The following FBXW4 variants were observed in gnomAD, a reference collection of about 807,000 sequenced individuals.
FBXW4 encodes the protein F-box and WD repeat domain containing 4.
FBXW4 carries 40 observed loss-of-function variants against 61.8 expected under a neutral mutation model. The ratio of observed to expected loss-of-function variants is 0.65; its 90% CI spans 0.50 to 0.84. The LOEUF (loss-of-function observed/expected upper bound fraction) is 0.84, where lower values mean the gene tolerates loss of function less well. Among genes scored for constraint, FBXW4 ranks in the 40% least tolerant of loss-of-function variants. The pLI, the probability that FBXW4 is intolerant of heterozygous loss-of-function variation, is 0.00. For missense variants in FBXW4, 672 were observed against 753.8 expected (o/e 0.89, Z 1.27); for synonymous variants, 311 against 313.8 (o/e 0.99, Z 0.10).
intron 5 of FBXW4, among the ~76,000 whole-genome samples, chr10:101,638,265 C>T (rs1390817823): frequency 2.6e-5 from 4 of 152,116 alleles, no homozygotes; most frequent in Non-Finnish European, 2.9e-5. Flanking sequence ...AACTAGAATG[C>T]TGCAGTCAAA....
chr10:101,632,466 C>G (rs550598964), intron 5 of FBXW4, among the ~76,000 whole-genome samples: 112 of 152,274 alleles, frequency 7.4e-4, no homozygotes, highest in African/African-American at 2.5e-3. Context: ...ACGAAGGGTA[C>G]AAGGTCAGCC....
rs561165287 is a variant in FBXW4 at position 101,666,468 on chromosome 10, G to C, written c.1235+1418C>G. 2.0e-5 allele frequency among the ~76,000 whole-genome samples: 3 copies of C among 152,286 alleles called. No individual in the cohort carries two copies. In the South Asian group the frequency reaches 6.2e-4, roughly 32 times the overall value. ...TGTGGAAGGGAGTAGGAGGAGGGGT[G>C]CAGGCTCCATGGGGTGAGGAGAAAG... On this transcript the variant is annotated intron_variant, in intron 5 of 8. Transcript: ENST00000331272.
intron 1 of FBXW4, among the ~76,000 whole-genome samples, chr10:101,689,834 C>A (rs374619458): frequency 6.6e-6 from 1 of 152,218 alleles, no homozygotes; most frequent in African/African-American, 2.4e-5. Flanking sequence ...AAATAGATAC[C>A]CCAGGCCCCC....
chr10:101,689,504 C>A (rs1412747340), intron 1 of FBXW4, among the ~76,000 whole-genome samples: 1 of 152,160 alleles, frequency 6.6e-6, no homozygotes, highest in Admixed American at 6.5e-5. Context: ...TTTCCAAACG[C>A]CGAAGACAAT....
chr10:101,684,100 A>G (rs2064507416), intron 1 of FBXW4, among the ~76,000 whole-genome samples: 1 of 152,134 alleles, frequency 6.6e-6, no homozygotes, highest in Non-Finnish European at 1.5e-5. Flanking sequence ...AGTAGCTGGG[A>G]TTACAGGCAC....
chr10:101,634,712 A>G (rs372441911), intron 5 of FBXW4, among the ~76,000 whole-genome samples: 1 of 148,946 alleles, frequency 6.7e-6, no homozygotes, highest in African/African-American at 2.5e-5. Context: ...TTAGAAGCCT[A>G]CCTCCCAGCA....
intron 5 of FBXW4, among the ~76,000 whole-genome samples, chr10:101,666,703 G>A (rs191821761): frequency 2.6e-5 from 4 of 152,242 alleles, no homozygotes; most frequent in East Asian, 3.9e-4. Flanking sequence ...GAGGGATTCT[G>A]TCTTGGTTCC....
intron 5 of FBXW4, among the ~76,000 whole-genome samples, chr10:101,640,637 A>G (rs2064043442): frequency 6.7e-6 from 1 of 149,278 alleles, no homozygotes; most frequent in Non-Finnish European, 1.5e-5. Context: ...GATTACAGGC[A>G]TGTGCTACCA....
chr10:101,673,664 G>C lies in FBXW4; in HGVS notation c.831C>G (p.Pro277=). The change falls in exon 3 of 9, where the codon CCC becomes CCG. Residue 277 remains proline, a synonymous_variant. Transcript: ENST00000331272. ...ILLKWRCSQM[P]WMQLEDDSLY... is the part of the protein sequence containing the mutation. ...GAGAATCATCCTCTAGCTGCATCCA[G>C]GGCATCTGACTGAAATGATGGAAAA... The C allele has an allele frequency of 6.2e-7, 1 of 1,612,912 alleles. No individual in the cohort carries two copies. Among genetic ancestry groups the C allele is most frequent in the Non-Finnish European group, 8.5e-7 (1 of 1,178,990 alleles).
intron 6 of FBXW4, among the ~76,000 whole-genome samples, chr10:101,614,060 C>T (rs1244240931): frequency 6.6e-6 from 1 of 152,218 alleles, no homozygotes; most frequent in Non-Finnish European, 1.5e-5. Context: ...AAGATTCAGC[C>T]ACCCTGGGCA....
At chr10:101,620,120 A>G (rs2063856752) in intron 6 of FBXW4, among the ~76,000 whole-genome samples, 1 of 151,776 alleles carries the variant, frequency 6.6e-6, no homozygotes, top group South Asian at 2.1e-4. Context: ...GGCGCTCCTC[A>G]AGTTGCAGCA....
At chr10:101,641,815 A>C (rs1303068935) in intron 5 of FBXW4, among the ~76,000 whole-genome samples, 2 of 152,206 alleles carry the variant, frequency 1.3e-5, no homozygotes, top group African/African-American at 2.4e-5. Context: ...AAAATAATAT[A>C]TGAGATGTTA....
intron 5 of FBXW4, among the ~76,000 whole-genome samples, chr10:101,628,254 T>C (rs558917002): frequency 1.9e-4 from 29 of 152,300 alleles, no homozygotes; most frequent in Admixed American, 1.6e-3. Flanking sequence ...TCAAACGGCT[T>C]TTGCCCTCAG....
At chr10:101,678,028 G>T (rs1238752808) in intron 1 of FBXW4, among the ~76,000 whole-genome samples, 1 of 152,114 alleles carries the variant, frequency 6.6e-6, no homozygotes, top group Non-Finnish European at 1.5e-5. Context: ...GAACCTAGGT[G>T]GTGCATATAT....
intron 6 of FBXW4, among the ~76,000 whole-genome samples, chr10:101,614,927 A>G (rs1258559527): frequency 6.6e-6 from 1 of 152,148 alleles, no homozygotes; most frequent in Non-Finnish European, 1.5e-5. Context: ...CTATTTAACT[A>G]GAAAACTCTA....
In FBXW4 at chr10:101,694,615, T is replaced by TCCTCCTCCC; in HGVS notation, c.482_490dup (p.Gly161_Glu163dup). On this transcript the variant is annotated inframe_insertion, in exon 1 of 9. Coordinates refer to ENST00000331272, the MANE Select transcript of FBXW4 (RefSeq NM_022039.4). The surrounding 1 kb of genome is among the most constrained non-coding windows in gnomAD (Gnocchi z 6.0). ...CTCCCGAGCCGCCTCCTCCTCCTCCTCCTCCTCCCCGGCCGCCGCCGCCAT... is the reference window on the plus strand; with the variant it reads ...CTCCCGAGCCGCCTCCTCCTCCTCCTCCTCCTCCCCCTCCTCCCCGGCCGCCGCCGCCAT... 1 of 1,435,462 alleles carries TCCTCCTCCC rather than the reference T, an allele frequency of 7.0e-7. No individual in the cohort carries two copies. The allele number at this position is 1,435,462 out of a possible 1,614,324, so 88.9% of individuals were successfully genotyped here. A position where few individuals can be genotyped will look rare whatever the true frequency, so the allele number is the denominator to read the frequency against.
intron 4 of FBXW4, among the ~76,000 whole-genome samples, chr10:101,670,609 C>T (rs2064350029): frequency 6.6e-6 from 1 of 152,254 alleles, no homozygotes; most frequent in Non-Finnish European, 1.5e-5. Flanking sequence ...CATCTCTTCT[C>T]ATCCTAAGGA....
chr10:101,611,224 C>G lies in FBXW4; in HGVS notation c.*67G>C. ...CAGTGAGGAGGAGCTATCACTGCAC[C>G]CTCCAGGCAAGAGAAGTCCCTGAGT... On this transcript the variant is annotated 3_prime_UTR_variant, in exon 9 of 9. Coordinates refer to ENST00000331272, the MANE Select transcript of FBXW4 (RefSeq NM_022039.4). The surrounding 1 kb of genome is among the most constrained non-coding windows in gnomAD (Gnocchi z 4.9). 1 of 1,573,568 alleles carries G rather than the reference C, an allele frequency of 6.4e-7. No individual in the cohort carries two copies. The highest frequency in any genetic ancestry group is 8.6e-7 in the Non-Finnish European group (1 of 1,160,156).
rs2064105043 is a variant in FBXW4, at chr10:101,646,971, G to C, written c.1235+20915C>G. Among the ~76,000 whole-genome samples, 3 of 152,180 alleles carry C rather than the reference G, an allele frequency of 2.0e-5. No homozygotes were observed. In the South Asian group the frequency reaches 6.2e-4, roughly 32 times the overall value. On this transcript the variant is annotated intron_variant, in intron 5 of 8. Transcript: ENST00000331272. Reference sequence around the variant, plus strand: ...GAGGGAGGTTTTCTATCGCCTGGCGGGGTGGGTGGTGGTGGTTAGGAATGG... The same window carrying C: ...GAGGGAGGTTTTCTATCGCCTGGCGCGGTGGGTGGTGGTGGTTAGGAATGG...
Sources: allele counts gnomAD v4.1 joint callset (sites outside exome capture counted in the v4.1 genomes callset), GRCh38; gene constraint gnomAD v4.1.1; non-coding constraint Gnocchi (gnomAD v3.1); transcripts MANE v1.5; gene names NCBI Gene and HGNC (gene_info 2026-07-23, HGNC 2026-07-21).